Variants in PDE1A observed in about 807,000 individuals in gnomAD.
PDE1A encodes the protein phosphodiesterase 1A.
In PDE1A, 35 loss-of-function variants were observed where a neutral mutation model predicts 61.7. The ratio of observed to expected loss-of-function variants is 0.57; its 90% CI spans 0.43 to 0.75. The LOEUF is 0.75. Among genes scored for constraint, PDE1A ranks in the 30% least tolerant of loss-of-function variants. PDE1A has a pLI of 0.00. For missense variants in PDE1A, 597 were observed against 630.6 expected (o/e 0.95, Z 0.57); for synonymous variants, 232 against 213.2 (o/e 1.09, Z -0.77).
chr2:182,232,215 G>A (rs1422085816), intron 4 of PDE1A, among the ~76,000 whole-genome samples: 1 of 151,928 alleles, frequency 6.6e-6, no homozygotes, highest in Non-Finnish European at 1.5e-5. Context: ...GAGTGAGCAG[G>A]GATATAAACC....
the PDE1A span, among the ~76,000 whole-genome samples, chr2:182,614,051 A>C: frequency 6.6e-6 from 1 of 152,252 alleles, no homozygotes; most frequent in Admixed American, 6.5e-5. Flanking sequence ...GCAGTGCCCA[A>C]AAGGCAAGTA....
At chr2:182,182,669 T>C (rs914527061) in intron 13 of PDE1A, among the ~76,000 whole-genome samples, 2 of 152,072 alleles carry the variant, frequency 1.3e-5, no homozygotes, top group Non-Finnish European at 2.9e-5. Context: ...ACTCATCACA[T>C]TGCCTACATT....
chr2:182,204,588 T>C (rs1045202352), intron 8 of PDE1A, among the ~76,000 whole-genome samples: 1 of 152,244 alleles, frequency 6.6e-6, no homozygotes, highest in Non-Finnish European at 1.5e-5. Flanking sequence ...TTCTATTCTT[T>C]ATGATTTTCT....
intron 2 of PDE1A, among the ~76,000 whole-genome samples, chr2:182,498,278 T>C (rs1574803653): frequency 6.6e-6 from 1 of 151,970 alleles, no homozygotes; most frequent in Non-Finnish European, 1.5e-5. Context: ...AGAAGAAGAA[T>C]TGTTAATCAA....
At chr2:182,480,417 T>C (rs1421111784) in intron 2 of PDE1A, among the ~76,000 whole-genome samples, 1 of 151,942 alleles carries the variant, frequency 6.6e-6, no homozygotes, top group Non-Finnish European at 1.5e-5. Flanking sequence ...AAAGGCTTTC[T>C]GAAAAATGGT....
upstream of PDE1A, among the ~76,000 whole-genome samples, chr2:182,429,002 G>A (rs532620475): frequency 6.6e-5 from 10 of 152,024 alleles, no homozygotes. Flanking sequence ...ACCAGCTGAA[G>A]AATCTGAAAG....
At chr2:182,367,514 T>C (rs1699902461) in intron 1 of PDE1A, among the ~76,000 whole-genome samples, 1 of 152,062 alleles carries the variant, frequency 6.6e-6, no homozygotes, top group Non-Finnish European at 1.5e-5. Context: ...TGGTGGGAAT[T>C]TGTTCTCTTA....
chr2:182,509,978 T>A (rs1689681641), intron 2 of PDE1A, among the ~76,000 whole-genome samples: 1 of 152,188 alleles, frequency 6.6e-6, no homozygotes, highest in Admixed American at 6.5e-5. Flanking sequence ...TTAGTTAATG[T>A]TGACCTCAGG....
At chr2:182,283,234 A>G (rs1043934787) in intron 1 of PDE1A, among the ~76,000 whole-genome samples, 4 of 152,060 alleles carry the variant, frequency 2.6e-5, no homozygotes, top group Admixed American at 6.6e-5. Context: ...AGTTTTACAC[A>G]TAGTAGTAAA....
chr2:182,711,181 G>C, the PDE1A span, among the ~76,000 whole-genome samples: 1 of 152,280 alleles, frequency 6.6e-6, no homozygotes, highest in East Asian at 1.9e-4. Context: ...CCTGGAATAG[G>C]TTGGAACCTG....
chr2:182,524,394 C>A (rs1318260732), upstream of PDE1A, among the ~76,000 whole-genome samples: 1 of 152,084 alleles, frequency 6.6e-6, no homozygotes, highest in Non-Finnish European at 1.5e-5. Flanking sequence ...ACCAGCTTAC[C>A]AATAACATTG....
At chr2:182,545,599 G>A in the PDE1A span, among the ~76,000 whole-genome samples, 31 of 152,168 alleles carry the variant, frequency 2.0e-4, no homozygotes, top group African/African-American at 5.8e-4. Context: ...AGAAAGTTCC[G>A]GTCAGGTCAT....
At chr2:182,698,231 A>C in the PDE1A span, among the ~76,000 whole-genome samples, 2 of 152,202 alleles carry the variant, frequency 1.3e-5, no homozygotes, top group East Asian at 3.8e-4. Context: ...TAAAGAGCTG[A>C]TTAGGATTTT....
the PDE1A span, among the ~76,000 whole-genome samples, chr2:182,654,792 T>C: frequency 6.6e-6 from 1 of 152,210 alleles, no homozygotes; most frequent in Non-Finnish European, 1.5e-5. Context: ...TTGTCCACCA[T>C]CCCATCTGAC....
rs1687493641 is a variant in PDE1A, at chr2:182,210,507, T to G, written c.777-4442A>C. 2.0e-5 allele frequency among the ~76,000 whole-genome samples: 3 copies of G among 152,342 alleles called. No individual in the cohort carries two copies. The South Asian group carries it at 6.2e-4, about 32-fold the overall frequency. ...TCATTTTTAAATTAGGTTGTTAGTTTTCTTATTGTTGAGTTTTAAGCATTC... is the reference window on the plus strand; with the variant it reads ...TCATTTTTAAATTAGGTTGTTAGTTGTCTTATTGTTGAGTTTTAAGCATTC... On this transcript the variant is annotated intron_variant, in intron 7 of 13. Coordinates refer to ENST00000351439, the Ensembl canonical transcript of PDE1A.
intron 2 of PDE1A, among the ~76,000 whole-genome samples, chr2:182,518,588 G>C (rs768742470): frequency 6.6e-6 from 1 of 152,126 alleles, no homozygotes; most frequent in Admixed American, 6.6e-5. Flanking sequence ...TAAAATTAGC[G>C]ATCAGATATA....
the PDE1A span, among the ~76,000 whole-genome samples, chr2:182,614,553 C>CTTTTT: frequency 8.9e-5 from 10 of 112,604 alleles, no homozygotes; most frequent in South Asian, 3.2e-4. Context: ...ACTAGCATAT[C>CTTTTT]TTTTTTTTTT....
chr2:182,579,848 C>A, the PDE1A span, among the ~76,000 whole-genome samples: 2 of 152,100 alleles, frequency 1.3e-5, no homozygotes, highest in African/African-American at 4.8e-5. Context: ...AGAAGAAACA[C>A]AAATGGAGGG....
At chr2:182,655,943 C>T in the PDE1A span, among the ~76,000 whole-genome samples, 1 of 152,206 alleles carries the variant, frequency 6.6e-6, no homozygotes, top group Non-Finnish European at 1.5e-5. Context: ...AGATAAAGAT[C>T]ACTTCAAAAA....
Sources: allele counts gnomAD v4.1 joint callset (sites outside exome capture counted in the v4.1 genomes callset), GRCh38; gene constraint gnomAD v4.1.1; transcripts MANE v1.5; gene names NCBI Gene and HGNC (gene_info 2026-07-23, HGNC 2026-07-21).